The following ARID4B variants were observed in gnomAD, a reference collection of about 807,000 sequenced individuals.
ARID4B encodes the protein AT-rich interactive domain-containing protein 4B.
In ARID4B, 26 loss-of-function variants were observed where a neutral mutation model predicts 147.5. That is an observed-to-expected ratio of 0.18 (90% CI 0.13 to 0.24). The LOEUF (loss-of-function observed/expected upper bound fraction) is 0.24. ARID4B is among the 10% of genes least tolerant of loss of function. ARID4B has a pLI of 1.00. For synonymous variants in ARID4B, 512 were observed against 507.9 expected (o/e 1.01, Z -0.11); for missense variants, 1,179 against 1,511.5 (o/e 0.78, Z 3.65).
chr1:235,229,812 A>C (rs999328709), intron 10 of ARID4B, among the ~76,000 whole-genome samples: 8 of 152,226 alleles, frequency 5.3e-5, no homozygotes, highest in African/African-American at 1.9e-4. Flanking sequence ...ACCACACATG[A>C]TTTTTACATT....
intron 12 of ARID4B, 139 bp downstream of exon 12, chr1:235,224,564 G>A (rs1667703624): frequency 1.5e-6 from 1 of 658,302 alleles, no homozygotes; most frequent in Non-Finnish European, 2.7e-6. Flanking sequence ...TATGCTAGGT[G>A]CTGGTGATAT....
chr1:235,181,005 A>T, intron 20 of ARID4B: 1 of 513,964 alleles, frequency 1.9e-6, no homozygotes, highest in Non-Finnish European at 2.5e-6. Context: ...TTATTAACGT[A>T]CACATTGGTC....
intron 2 of ARID4B, among the ~76,000 whole-genome samples, chr1:235,322,799 G>A (rs1674933403): frequency 1.3e-5 from 2 of 151,908 alleles, no homozygotes; most frequent in Non-Finnish European, 2.9e-5. Flanking sequence ...GGGTGAGACA[G>A]AAGGAAGAGG....
intron 18 of ARID4B, 39 bp from the exon 19 acceptor site, chr1:235,194,250 G>A: frequency 6.9e-7 from 1 of 1,442,824 alleles, no homozygotes; most frequent in Non-Finnish European, 9.7e-7. Context: ...TTTATCATAA[G>A]GCATTTATCA....
At chr1:235,263,780 G>A (rs1472264282) in intron 2 of ARID4B, among the ~76,000 whole-genome samples, 2 of 151,584 alleles carry the variant, frequency 1.3e-5, no homozygotes. Context: ...GAGGTCAGGA[G>A]ATCAAAACCA....
At chr1:235,312,360 A>C (rs1369866541) in intron 2 of ARID4B, among the ~76,000 whole-genome samples, 1 of 152,204 alleles carries the variant, frequency 6.6e-6, no homozygotes, top group Non-Finnish European at 1.5e-5. Flanking sequence ...AAACATAACA[A>C]AATAAATACT....
intron 11 of ARID4B, 25 bp from the exon 12 acceptor site, chr1:235,224,800 T>A: frequency 6.9e-7 from 1 of 1,449,516 alleles, no homozygotes; most frequent in Middle Eastern, 1.8e-4. Context: ...AGAAGAATAT[T>A]ATTTTCTTCA....
chr1:235,263,612 G>C (rs958918957), intron 2 of ARID4B, among the ~76,000 whole-genome samples: 1 of 152,218 alleles, frequency 6.6e-6, no homozygotes, highest in South Asian at 2.1e-4. Flanking sequence ...CTATTCTTTT[G>C]AAGGGCAATA....
At chr1:235,259,042 T>C (rs1670147184) in intron 3 of ARID4B, among the ~76,000 whole-genome samples, 1 of 152,234 alleles carries the variant, frequency 6.6e-6, no homozygotes, top group Non-Finnish European at 1.5e-5. Flanking sequence ...CACTTTCTTT[T>C]TCCTTGTGTA....
intron 2 of ARID4B, among the ~76,000 whole-genome samples, chr1:235,313,054 G>A (rs1674177978): frequency 6.6e-6 from 1 of 152,132 alleles, no homozygotes; most frequent in Non-Finnish European, 1.5e-5. Context: ...GTGAAAAGTT[G>A]AATTTTTGAG....
intron 2 of ARID4B, among the ~76,000 whole-genome samples, chr1:235,275,297 T>A (rs534386986): frequency 6.6e-6 from 1 of 152,358 alleles, no homozygotes; most frequent in South Asian, 2.1e-4. Flanking sequence ...ACTGGGCCGA[T>A]CGGTTTTACT....
intron 2 of ARID4B, among the ~76,000 whole-genome samples, chr1:235,261,706 T>TATA (rs1387810612): frequency 3.3e-5 from 5 of 152,232 alleles, no homozygotes; most frequent in African/African-American, 1.2e-4. Flanking sequence ...CCTTAACTAA[T>TATA]ATTTATGTTT....
intron 2 of ARID4B, among the ~76,000 whole-genome samples, chr1:235,289,210 T>C (rs570059966): frequency 9.2e-5 from 14 of 152,226 alleles, no homozygotes; most frequent in Non-Finnish European, 1.2e-4. Flanking sequence ...GGGAATTCAA[T>C]GTATGACTTA....
chr1:235,309,242 C>T (rs1464180167), intron 2 of ARID4B, among the ~76,000 whole-genome samples: 1 of 128,150 alleles, frequency 7.8e-6, no homozygotes, highest in Non-Finnish European at 1.7e-5. Flanking sequence ...CACCTGGCAA[C>T]CGCCCCATCT....
chr1:235,181,082 AG>A lies in ARID4B; in HGVS notation c.3334+502del, dbSNP rs1186069999. On this transcript the variant is annotated intron_variant, in intron 20 of 23. Transcript: ENST00000264183. Reference sequence around the variant, plus strand: ...CTTTACAAACTCACACAAGTTAGTCAGGCTTGAAAATCAGTTTGACACGGTT... The same window carrying A: ...CTTTACAAACTCACACAAGTTAGTCAGCTTGAAAATCAGTTTGACACGGTT... 5.9e-6 allele frequency: 6 copies of A among 1,015,370 alleles called. No homozygotes were observed. In the African/African-American group the frequency reaches 1.0e-4, roughly 17 times the overall value. The allele number at this position is 1,015,370 out of a possible 1,614,324, so 62.9% of individuals were successfully genotyped here. A position where few individuals can be genotyped will look rare whatever the true frequency, so the allele number is the denominator to read the frequency against.
intron 2 of ARID4B, among the ~76,000 whole-genome samples, chr1:235,289,852 G>A (rs1651149927): frequency 6.6e-6 from 1 of 151,644 alleles, no homozygotes; most frequent in Admixed American, 6.6e-5. Flanking sequence ...TCATAAATTC[G>A]ATGTAAAACC....
chr1:235,211,316 A>G (rs751852623), intron 17 of ARID4B, among the ~76,000 whole-genome samples: 15 of 152,072 alleles, frequency 9.9e-5, no homozygotes, highest in Admixed American at 3.3e-4. Context: ...GGGCATTAAG[A>G]GTGAAACTCC....
At chr1:235,223,382 T>TATATACACACGTATATATATATATATAC (rs71172272) in intron 12 of ARID4B, 122 bp from the exon 13 acceptor site, 19 of 214,194 alleles carry the variant, frequency 8.9e-5, no homozygotes, top group South Asian at 4.2e-4. Context: ...TATATATATA[T>TATATACACACGTATATATATATATATAC]ACACGTATAT....
chr1:235,314,313 C>T (rs1440020205), intron 2 of ARID4B, among the ~76,000 whole-genome samples: 2 of 152,148 alleles, frequency 1.3e-5, no homozygotes, highest in East Asian at 3.8e-4. Flanking sequence ...CTATGCCAAG[C>T]ACAGTGTAAA....
Sources: gnomAD v4.1 joint callset for allele counts (sites outside exome capture counted in the v4.1 genomes callset) on GRCh38, gnomAD v4.1.1 for gene constraint, MANE v1.5 for transcripts, NCBI Gene and HGNC (gene_info 2026-07-23, HGNC 2026-07-21) for gene names.